NMT1: variants seen among roughly 807,000 people sequenced by gnomAD.
NMT1 encodes glycylpeptide N-tetradecanoyltransferase 1.
Under a neutral mutation model 63.4 loss-of-function variants are expected in NMT1, and 12 were observed. The observed-to-expected ratio is 0.19, with a 90% confidence interval of 0.12 to 0.31. The LOEUF is 0.31. NMT1 is among the 10% of genes least tolerant of loss of function. The pLI is 1.00. For missense variants in NMT1, 432 were observed against 634.6 expected, an observed-to-expected ratio of 0.68 and a Z score of 3.43; for synonymous variants, 228 against 234.3, an observed-to-expected ratio of 0.97 and a Z score of 0.25.
chr17:45,079,657 C>T (rs2054001390), intron 1 of NMT1, among the ~76,000 whole-genome samples: 1 of 152,246 alleles, frequency 6.6e-6, no homozygotes. Context: ...CACGTGCACA[C>T]ATGCACACGT....
At position 45,103,017 on chromosome 17, in the gene NMT1, A is replaced by G; in HGVS notation, c.1060A>G (p.Thr354Ala). The G allele has an allele frequency of 1.9e-6, 3 of 1,614,044 alleles. No homozygotes were observed. The highest frequency in any genetic ancestry group is 2.5e-6 in the Non-Finnish European group (3 of 1,179,942). ...CATTCCAGTAGTGCACCAGCTCCTC[A>G]CCAGGTACTTGAAGCAATTTCACCT... ...KDIPVVHQLL[T>A]RYLKQFHLTP... The change falls in exon 9 of 12, where the codon ACC (threonine) becomes GCC (alanine). Residue 354 changes from threonine (T) to alanine (A), a missense_variant. Physicochemically the swap from Thr to Ala is moderately conservative, Grantham distance 58. This residue lies in a region of NMT1 where 295 missense variants were observed against 489.7 expected (regional missense o/e 0.60). Coordinates refer to ENST00000258960, the MANE Select transcript of NMT1 (RefSeq NM_021079.5). The surrounding 1 kb of genome is among the most constrained non-coding windows in gnomAD (Gnocchi z 4.8).
In NMT1 at chr17:45,069,029, C is replaced by A. The variant is rs572611563; in HGVS notation, c.131+7569C>A. 9.5e-5 allele frequency among the ~76,000 whole-genome samples: 14 copies of A among 147,950 alleles called. No individual in the cohort carries two copies. The South Asian group carries it at 3.1e-3, about 32-fold the overall frequency. On this transcript the variant is annotated intron_variant, in intron 1 of 11. Coordinates refer to ENST00000258960, the MANE Select transcript of NMT1 (RefSeq NM_021079.5). The stretch of plus-strand genomic sequence containing the variant: ...AGGCTGGAGTGCAGTGGCGCGATCT[C>A]GGCTCACTGCAACCTCTGCCACCCA...
chr17:45,088,156 C>T (rs1307408919), intron 3 of NMT1, among the ~76,000 whole-genome samples: 1 of 152,186 alleles, frequency 6.6e-6, no homozygotes, highest in Non-Finnish European at 1.5e-5. Flanking sequence ...CCCCCATCAC[C>T]GTGTGTGTTT....
At position 45,097,167 on chromosome 17, in the gene NMT1, T is replaced by TG; in HGVS notation, c.640dup (p.Val214GlyfsTer14). On this transcript the variant is annotated frameshift_variant, in exon 6 of 12. Coordinates refer to ENST00000258960, the MANE Select transcript of NMT1 (RefSeq NM_021079.5). LOFTEE classifies it high-confidence loss of function. ...CCGGCTGGCTCCCCCAGTGGCACTG[T>TG]GGGGTTCGAGTGGTCTCAAGTCGGA... is the stretch of plus-strand genomic sequence containing the variant. 1 of 1,614,166 alleles carries TG rather than the reference T, an allele frequency of 6.2e-7. No homozygotes were observed. Among genetic ancestry groups the TG allele is most frequent in the Non-Finnish European group, 8.5e-7 (1 of 1,180,006 alleles).
chr17:45,085,414 GAC>G (rs2054045642), intron 2 of NMT1, among the ~76,000 whole-genome samples: 1 of 152,208 alleles, frequency 6.6e-6, no homozygotes. Flanking sequence ...AGGTCTCTAA[GAC>G]AGTCTTTAAA....
intron 1 of NMT1, among the ~76,000 whole-genome samples, chr17:45,065,623 CA>C (rs397944011): frequency 0.043 from 3,512 of 81,658 alleles, 89 homozygotes; most frequent in East Asian, 0.2. Flanking sequence ...GACTCTGTCT[CA>C]AAAAAAAAAA....
chr17:45,082,127 AG>A (rs2054020867), intron 2 of NMT1, among the ~76,000 whole-genome samples: 1 of 152,118 alleles, frequency 6.6e-6, no homozygotes, highest in African/African-American at 2.4e-5. Context: ...TTTCTTTTTG[AG>A]ACAGAGTCTT....
intron 3 of NMT1, among the ~76,000 whole-genome samples, chr17:45,089,918 G>A (rs150316109): frequency 5.3e-5 from 8 of 152,066 alleles, no homozygotes; most frequent in South Asian, 2.1e-4. Flanking sequence ...GATTATAGGC[G>A]TGAGCCACTG....
chr17:45,089,531 A>G (rs1027584157), intron 3 of NMT1, among the ~76,000 whole-genome samples: 5 of 152,096 alleles, frequency 3.3e-5, no homozygotes, highest in African/African-American at 9.7e-5. Flanking sequence ...TAGTAGAGAC[A>G]GGGTTTCACC....
intron 3 of NMT1, among the ~76,000 whole-genome samples, chr17:45,090,238 C>A (rs907468195): frequency 2.0e-5 from 3 of 152,074 alleles, no homozygotes; most frequent in Non-Finnish European, 2.9e-5. Flanking sequence ...GAGCCATGAT[C>A]GTGCCACTGC....
chr17:45,077,067 G>T (rs1003667292), intron 1 of NMT1, among the ~76,000 whole-genome samples: 14 of 152,092 alleles, frequency 9.2e-5, no homozygotes, highest in Admixed American at 2.6e-4. Context: ...TTTTTACAGT[G>T]ATTTTGCATA....
At chr17:45,071,792 G>A (rs997747519) in intron 1 of NMT1, among the ~76,000 whole-genome samples, 3 of 152,246 alleles carry the variant, frequency 2.0e-5, no homozygotes, top group Admixed American at 6.5e-5. Context: ...ATTCACAAGC[G>A]TGGTCGTGGG....
intron 1 of NMT1, among the ~76,000 whole-genome samples, chr17:45,074,489 T>G (rs998999436): frequency 4.6e-5 from 7 of 152,094 alleles, no homozygotes; most frequent in South Asian, 2.1e-4. Context: ...AAAGTGCTGG[T>G]ATTACAGGCG....
chr17:45,096,816 C>A (rs1352252321), intron 5 of NMT1, among the ~76,000 whole-genome samples: 3 of 152,230 alleles, frequency 2.0e-5, no homozygotes, highest in Non-Finnish European at 1.5e-5. Context: ...ATGGGACCCA[C>A]TGGCCTCCGA....
At chr17:45,074,610 C>G (rs1359506244) in intron 1 of NMT1, among the ~76,000 whole-genome samples, 1 of 152,144 alleles carries the variant, frequency 6.6e-6, no homozygotes, top group African/African-American at 2.4e-5. Flanking sequence ...TTGATGACTT[C>G]TTGAGTTGAT....
At chr17:45,093,873 C>G (rs1467517030) in intron 4 of NMT1, 70 bp downstream of exon 4, 9 of 1,246,764 alleles carry the variant, frequency 7.2e-6, no homozygotes, top group Non-Finnish European at 9.4e-6. Flanking sequence ...GCAGTCTCAC[C>G]TAGACTACGT....
intron 2 of NMT1, among the ~76,000 whole-genome samples, chr17:45,086,173 G>C (rs1312754349): frequency 6.7e-6 from 1 of 148,308 alleles, no homozygotes; most frequent in Non-Finnish European, 1.5e-5. Context: ...GCCCAGGCTG[G>C]AGTGCAATGG....
Position 45,104,698 on chromosome 17 carries a change from C to T in NMT1, c.1333-161C>T. 1 of 1,450,724 alleles carries T rather than the reference C, an allele frequency of 6.9e-7. No homozygotes were observed. Among genetic ancestry groups the T allele is most frequent in the Non-Finnish European group, 9.1e-7 (1 of 1,104,350 alleles). The allele number at this position is 1,450,724 out of a possible 1,614,324, so 89.9% of individuals were successfully genotyped here. On this transcript the variant is annotated intron_variant, in intron 10 of 11. Coordinates refer to ENST00000258960, the MANE Select transcript of NMT1 (RefSeq NM_021079.5). The surrounding 1 kb of genome is among the most constrained non-coding windows in gnomAD (Gnocchi z 4.2). ...GGGGCGCTCAGAGTGTCCTGAGAACCACCCGGAGAGCGGGGATTAACGTGG... is the reference window on the plus strand; with the variant it reads ...GGGGCGCTCAGAGTGTCCTGAGAACTACCCGGAGAGCGGGGATTAACGTGG...
intron 4 of NMT1, among the ~76,000 whole-genome samples, chr17:45,094,634 C>T (rs1007256353): frequency 1.3e-5 from 2 of 150,812 alleles, no homozygotes; most frequent in African/African-American, 2.4e-5. Flanking sequence ...CCTGCCTCAG[C>T]CTCCCGAGTA....
Sources: gnomAD v4.1 joint callset for allele counts (sites outside exome capture counted in the v4.1 genomes callset) on GRCh38, gnomAD v4.1.1 for gene constraint, gnomAD v4.1.1 regional missense constraint, Gnocchi (gnomAD v3.1) non-coding constraint, MANE v1.5 for transcripts, NCBI Gene and HGNC (gene_info 2026-07-23, HGNC 2026-07-21) for gene names.